The following SYN2 variants were observed in gnomAD, a reference collection of about 807,000 sequenced individuals.
The protein encoded by SYN2 is synapsin-2.
In SYN2, 19 loss-of-function variants were observed where a neutral mutation model predicts 50.9. The observed-to-expected ratio is 0.37, with a 90% confidence interval of 0.26 to 0.55. The LOEUF (loss-of-function observed/expected upper bound fraction) is 0.55, where lower values mean the gene tolerates loss of function less well. Ranked by LOEUF, SYN2 falls within the 20% of genes least tolerant of loss-of-function variation. SYN2 has a pLI of 0.81. For synonymous variants in SYN2, 255 were observed against 224.9 expected (o/e 1.13, Z -1.20); for missense variants, 587 against 576.4 (o/e 1.02, Z -0.19).
intron 1 of SYN2, among the ~76,000 whole-genome samples, chr3:12,108,280 G>A (rs1043726091): frequency 2.0e-5 from 3 of 152,196 alleles, no homozygotes; most frequent in Non-Finnish European, 4.4e-5. Flanking sequence ...AGTAGCTTAT[G>A]ACAATTGGAG....
At chr3:12,164,457 C>T (rs1353087440) in intron 7 of SYN2, among the ~76,000 whole-genome samples, 1 of 152,212 alleles carries the variant, frequency 6.6e-6, no homozygotes, top group Non-Finnish European at 1.5e-5. Flanking sequence ...CTCCTCACCA[C>T]ACTTCTTCCC....
At chr3:12,103,100 A>G (rs1242997305) in intron 1 of SYN2, among the ~76,000 whole-genome samples, 2 of 152,190 alleles carry the variant, frequency 1.3e-5, no homozygotes, top group Non-Finnish European at 2.9e-5. Flanking sequence ...CATTTTATAG[A>G]TGAAAAAACA....
At chr3:12,006,013 A>G (rs1256282819) in intron 1 of SYN2, among the ~76,000 whole-genome samples, 5 of 146,596 alleles carry the variant, frequency 3.4e-5, no homozygotes, top group Admixed American at 2.7e-4. Context: ...TTTTTTTCTC[A>G]TAGGGGTTGA....
intron 1 of SYN2, among the ~76,000 whole-genome samples, chr3:12,012,439 G>A (rs914510486): frequency 1.3e-5 from 2 of 152,158 alleles, no homozygotes; most frequent in Non-Finnish European, 2.9e-5. Flanking sequence ...CAAAACAAAA[G>A]CATTCACGGA....
chr3:12,050,680 CTTTGGAA>C (rs1346621716), intron 1 of SYN2, among the ~76,000 whole-genome samples: 2 of 82,874 alleles, frequency 2.4e-5, no homozygotes, highest in Non-Finnish European at 5.4e-5. Context: ...TTGTAAAGAT[CTTTGGAA>C]TAATCTCATC....
intron 1 of SYN2, chr3:12,071,340 A>G (rs185086487): frequency 3.4e-4 from 192 of 570,792 alleles, no homozygotes; most frequent in African/African-American, 3.1e-3. Context: ...TGGCCCCTCC[A>G]TCGTCCACCG....
chr3:12,084,269 A>T (rs369814759), intron 1 of SYN2, among the ~76,000 whole-genome samples: 4 of 152,186 alleles, frequency 2.6e-5, no homozygotes, highest in East Asian at 3.9e-4. Flanking sequence ...AAAATAATAG[A>T]GAGTTTTATT....
chr3:12,085,219 A>G (rs1235421729), intron 1 of SYN2, among the ~76,000 whole-genome samples: 1 of 152,050 alleles, frequency 6.6e-6, no homozygotes, highest in Non-Finnish European at 1.5e-5. Context: ...AGGAGCAGGA[A>G]TAGCTATACT....
intron 5 of SYN2, chr3:12,153,824 A>G: frequency 8.5e-7 from 1 of 1,173,504 alleles, no homozygotes; most frequent in African/African-American, 1.5e-5. Context: ...CCCCTATCTT[A>G]TCAAGCCTTT....
At chr3:12,092,749 T>C (rs1213573792) in intron 1 of SYN2, among the ~76,000 whole-genome samples, 1 of 152,222 alleles carries the variant, frequency 6.6e-6, no homozygotes, top group Non-Finnish European at 1.5e-5. Flanking sequence ...TCAAAATGTT[T>C]TGTATAGTTG....
chr3:12,170,987 CT>C (rs1275740777), intron 10 of SYN2, among the ~76,000 whole-genome samples: 2 of 152,280 alleles, frequency 1.3e-5, no homozygotes, highest in East Asian at 3.9e-4. Context: ...ATCTAGAGAC[CT>C]TTTGTGCTCT....
In SYN2 at chr3:12,161,588, G is replaced by A. The variant is rs748858748; in HGVS notation, c.817G>A (p.Ala273Thr). 16 of 1,613,864 alleles carry A rather than the reference G, an allele frequency of 9.9e-6. No homozygotes were observed. Among genetic ancestry groups the A allele is most frequent in the Admixed American group, 8.3e-5 (5 of 60,002 alleles). Residue 273 changes from alanine (A) to threonine (T), a missense_variant, in exon 6 of 13, where the codon GCT becomes ACT. By Grantham distance (58) the Ala-to-Thr change is moderately conservative. Coordinates refer to ENST00000621198, the MANE Select transcript of SYN2 (RefSeq NM_133625.6). Reference sequence around the variant, plus strand: ...CCCTGTGGTGGTGAAGATTGGCCACGCTCACTCAGGCATGGGCAAGGTGAG... The same window carrying A: ...CCCTGTGGTGGTGAAGATTGGCCACACTCACTCAGGCATGGGCAAGGTGAG... ...TFPVVVKIGH[A>T]HSGMGKVKVE...
chr3:12,169,920 A>T lies in SYN2; in HGVS notation c.1308+14A>T, dbSNP rs769607226. The stretch of plus-strand genomic sequence containing the variant: ...CAGCAGCCACAGGTAAGCAGCTAGG[A>T]AGAGACATAGCAGAGCCAAGAACCA... On this transcript the variant is annotated intron_variant, in intron 10 of 12. Coordinates refer to ENST00000621198, the MANE Select transcript of SYN2 (RefSeq NM_133625.6). 144 of 1,597,220 alleles carry T rather than the reference A, an allele frequency of 9.0e-5. No individual in the cohort carries two copies. Among genetic ancestry groups the T allele is most frequent in the Middle Eastern group, 8.2e-4 (5 of 6,062 alleles).
intron 1 of SYN2, among the ~76,000 whole-genome samples, chr3:12,042,356 C>G (rs1390927402): frequency 1.3e-5 from 2 of 152,316 alleles, no homozygotes; most frequent in African/African-American, 4.8e-5. Flanking sequence ...CAAGGTCTCA[C>G]AGTTGATAAC....
At chr3:12,164,988 T>TC (rs199603738) in intron 7 of SYN2, among the ~76,000 whole-genome samples, 34 of 138,494 alleles carry the variant, frequency 2.5e-4, no homozygotes, top group East Asian at 1.0e-3. Flanking sequence ...TCTTTTCTTT[T>TC]TTTTTTTTTT....
intron 1 of SYN2, among the ~76,000 whole-genome samples, chr3:12,046,534 T>C (rs1694743135): frequency 6.6e-6 from 1 of 152,176 alleles, no homozygotes; most frequent in Non-Finnish European, 1.5e-5. Flanking sequence ...TCTAACAGTT[T>C]TGATGGAAGA....
chr3:12,155,715 C>T (rs1352858180), intron 5 of SYN2, among the ~76,000 whole-genome samples: 1 of 152,198 alleles, frequency 6.6e-6, no homozygotes, highest in Non-Finnish European at 1.5e-5. Flanking sequence ...TGTCATTTCT[C>T]CCCACCCTCA....
At chr3:12,183,886 C>T (rs1698281924) in intron 11 of SYN2, 3 of 1,019,596 alleles carry the variant, frequency 2.9e-6, no homozygotes, top group Non-Finnish European at 3.5e-6. Context: ...CTCCAACTTT[C>T]CCTCCACCAG....
At chr3:12,180,231 G>C (rs992102817) in intron 10 of SYN2, among the ~76,000 whole-genome samples, 3 of 144,844 alleles carry the variant, frequency 2.1e-5, no homozygotes, top group Non-Finnish European at 4.5e-5. Context: ...TTACAGGCGT[G>C]AGCCGCACCC....
Sources: allele counts gnomAD v4.1 joint callset (sites outside exome capture counted in the v4.1 genomes callset), GRCh38; gene constraint gnomAD v4.1.1; transcripts MANE v1.5; gene names NCBI Gene and HGNC (gene_info 2026-07-23, HGNC 2026-07-21).